Variants in PXDNL observed in about 807,000 individuals in gnomAD.
PXDNL encodes the protein peroxidasin like.
Under a neutral mutation model 150.8 loss-of-function variants are expected in PXDNL, and 145 were observed. The ratio of observed to expected loss-of-function variants is 0.96; its 90% CI spans 0.84 to 1.10. The LOEUF is 1.10. Ranked by LOEUF, PXDNL falls within the 50% of genes least tolerant of loss-of-function variation. The pLI is 0.00. For missense variants in PXDNL, 2,087 were observed against 1,873.9 expected, an observed-to-expected ratio of 1.11 and a Z score of -2.10; for synonymous variants, 757 against 725.7, an observed-to-expected ratio of 1.04 and a Z score of -0.69.
chr8:51,758,107 TA>T (rs750038092), intron 1 of PXDNL, among the ~76,000 whole-genome samples: 83 of 152,308 alleles, frequency 5.4e-4, no homozygotes, highest in Non-Finnish European at 9.6e-4. Flanking sequence ...GAAATTCAAC[TA>T]AAATCTTTTT....
At chr8:51,562,601 G>C (rs1310103285) in intron 3 of PXDNL, among the ~76,000 whole-genome samples, 1 of 151,938 alleles carries the variant, frequency 6.6e-6, no homozygotes, top group African/African-American at 2.4e-5. Context: ...ACCAAGGAGT[G>C]TTATAGAGGG....
chr8:51,447,858 A>T (rs573070881), intron 11 of PXDNL, among the ~76,000 whole-genome samples: 29 of 152,338 alleles, frequency 1.9e-4, no homozygotes, highest in African/African-American at 7.0e-4. Context: ...CTAAATGTTG[A>T]AGAGTATAAA....
chr8:51,416,083 TCC>T (rs1808792103), intron 14 of PXDNL, among the ~76,000 whole-genome samples: 1 of 152,220 alleles, frequency 6.6e-6, no homozygotes, highest in Admixed American at 6.5e-5. Flanking sequence ...TTTTTCTTTG[TCC>T]CTTTTACTCC....
chr8:51,420,612 T>C (rs1808924079), intron 14 of PXDNL, among the ~76,000 whole-genome samples: 4 of 152,224 alleles, frequency 2.6e-5, no homozygotes, highest in South Asian at 4.1e-4. Flanking sequence ...TTCAACACCA[T>C]AGAACAGAAT....
intron 14 of PXDNL, among the ~76,000 whole-genome samples, chr8:51,417,306 T>C (rs1016711188): frequency 2.6e-5 from 4 of 152,208 alleles, no homozygotes; most frequent in Non-Finnish European, 5.9e-5. Context: ...AATAAACATG[T>C]TTAAAGTTAT....
intron 19 of PXDNL, among the ~76,000 whole-genome samples, chr8:51,367,100 CAAAAAAAAAAAAAA>C (rs58282258): frequency 7.2e-5 from 4 of 55,250 alleles, no homozygotes; most frequent in South Asian, 2.2e-3. Flanking sequence ...ACTCTTGTCT[CAAAAAAAAAAAAAA>C]AAAAAAAAAA....
intron 1 of PXDNL, among the ~76,000 whole-genome samples, chr8:51,744,113 AG>A (rs2036944592): frequency 7.0e-6 from 1 of 142,070 alleles, no homozygotes. Context: ...AAAGAAAGAA[AG>A]AAAGAAAGGA....
intron 19 of PXDNL, among the ~76,000 whole-genome samples, chr8:51,347,491 A>G (rs781463186): frequency 3.2e-4 from 49 of 152,214 alleles, no homozygotes; most frequent in Non-Finnish European, 5.9e-4. Flanking sequence ...AATACTGGTT[A>G]TGGTTGTTAC....
At chr8:51,628,625 G>C (rs143302422) in intron 2 of PXDNL, among the ~76,000 whole-genome samples, 1 of 151,242 alleles carries the variant, frequency 6.6e-6, no homozygotes, top group Non-Finnish European at 1.5e-5. Flanking sequence ...GGAGGATCTC[G>C]ATCTCCTGAC....
At chr8:51,668,901 A>G (rs1388003254) in intron 1 of PXDNL, among the ~76,000 whole-genome samples, 1 of 152,086 alleles carries the variant, frequency 6.6e-6, no homozygotes, top group Non-Finnish European at 1.5e-5. Context: ...CTGATCAATA[A>G]CCATTTGTTG....
intron 12 of PXDNL, among the ~76,000 whole-genome samples, chr8:51,434,477 C>A (rs1038085878): frequency 2.0e-5 from 3 of 152,168 alleles, no homozygotes; most frequent in Admixed American, 2.0e-4. Context: ...AGATGAGGAG[C>A]ATCTTTTCCA....
intron 2 of PXDNL, among the ~76,000 whole-genome samples, chr8:51,647,173 T>A (rs1282797998): frequency 6.6e-6 from 1 of 152,096 alleles, no homozygotes; most frequent in Non-Finnish European, 1.5e-5. Context: ...CTAAGGAGAC[T>A]TCATGACCCA....
At chr8:51,505,877 C>T (rs796562806) in intron 4 of PXDNL, among the ~76,000 whole-genome samples, 5 of 152,300 alleles carry the variant, frequency 3.3e-5, no homozygotes, top group African/African-American at 1.2e-4. Flanking sequence ...ATAATCTCAG[C>T]TAAGATTAAA....
Position 51,408,104 on chromosome 8 carries a change from C to A in PXDNL, c.3520G>T (p.Glu1174Ter). ...SVKNFEDLQN[E>*]IKDSEIRQKL... ...TGTCTAATCTCTGAATCTTTAATTTCATTTTGAAGATCCTCAAAGTTCTTA... is the reference window on the plus strand; with the variant it reads ...TGTCTAATCTCTGAATCTTTAATTTAATTTTGAAGATCCTCAAAGTTCTTA... Residue 1174 changes from glutamate to a stop codon, truncating the protein, a stop_gained, in exon 17 of 23, where the codon GAA (glutamate) becomes TAA (stop). Transcript: ENST00000356297. LOFTEE classifies it high-confidence loss of function. The A allele has an allele frequency of 6.2e-7, 1 of 1,606,346 alleles. No individual in the cohort carries two copies. The highest frequency in any genetic ancestry group is 1.1e-5 in the South Asian group (1 of 89,094).
At chr8:51,777,961 T>C (rs1478525510) in intron 1 of PXDNL, among the ~76,000 whole-genome samples, 1 of 151,626 alleles carries the variant, frequency 6.6e-6, no homozygotes, top group East Asian at 1.9e-4. Context: ...TATTGGAAAA[T>C]ACAAAAGGAA....
intron 19 of PXDNL, among the ~76,000 whole-genome samples, chr8:51,356,669 C>G (rs1199338777): frequency 2.0e-5 from 3 of 151,976 alleles, no homozygotes; most frequent in African/African-American, 4.8e-5. Flanking sequence ...AGATTCTTGG[C>G]TTTCTCGTTA....
At chr8:51,744,068 AGGAAG>A (rs2036941050) in intron 1 of PXDNL, among the ~76,000 whole-genome samples, 2 of 63,378 alleles carry the variant, frequency 3.2e-5, no homozygotes, top group African/African-American at 1.6e-4. Context: ...GAAGGAAGGA[AGGAAG>A]GAAGGAAGGA....
intron 2 of PXDNL, among the ~76,000 whole-genome samples, chr8:51,607,776 G>C (rs2130701552): frequency 6.9e-6 from 1 of 145,772 alleles, no homozygotes; most frequent in Admixed American, 6.8e-5. Flanking sequence ...GGAAGCAGAG[G>C]CTGCAGTGAG....
chr8:51,597,462 C>T (rs1813595315), intron 2 of PXDNL, among the ~76,000 whole-genome samples: 1 of 152,064 alleles, frequency 6.6e-6, no homozygotes, highest in Admixed American at 6.6e-5. Context: ...CTTTGCTAGG[C>T]ATAGCATTGA....
Sources: allele counts gnomAD v4.1 joint callset (sites outside exome capture counted in the v4.1 genomes callset), GRCh38; gene constraint gnomAD v4.1.1; transcripts MANE v1.5; gene names NCBI Gene and HGNC (gene_info 2026-07-23, HGNC 2026-07-21).